Variants in GPC6 observed in about 807,000 individuals in gnomAD.
GPC6 encodes the protein glypican-6.
Under a neutral mutation model 55.2 loss-of-function variants are expected in GPC6, and 14 were observed. The ratio of observed to expected loss-of-function variants is 0.25; its 90% confidence interval spans 0.17 to 0.40. The LOEUF is 0.40. Ranked by LOEUF, GPC6 falls within the 10% of genes least tolerant of loss-of-function variation. The pLI, the probability that GPC6 is intolerant of heterozygous loss-of-function variation, is 1.00. For missense variants in GPC6, 641 were observed against 708.5 expected (o/e 0.90, Z 1.08); for synonymous variants, 278 against 259.6 (o/e 1.07, Z -0.68).
chr13:93,892,314 G>A (rs1400521053), intron 3 of GPC6, among the ~76,000 whole-genome samples: 3 of 152,074 alleles, frequency 2.0e-5, no homozygotes, highest in Non-Finnish European at 4.4e-5. Flanking sequence ...CCTACCTAAC[G>A]GGTAGCAAAG....
At chr13:94,098,750 A>C (rs1017177574) in intron 4 of GPC6, among the ~76,000 whole-genome samples, 1 of 152,148 alleles carries the variant, frequency 6.6e-6, no homozygotes. Flanking sequence ...GCAGGTATTT[A>C]ATTTTGCTGA....
chr13:94,062,316 A>G (rs550294707), intron 4 of GPC6, among the ~76,000 whole-genome samples: 1 of 152,070 alleles, frequency 6.6e-6, no homozygotes, highest in East Asian at 1.9e-4. Flanking sequence ...CAGTGGCACG[A>G]TCTTGGCTCA....
chr13:93,833,107 TAGAGAGAGAGAGAGAG>T (rs367949345), intron 3 of GPC6, among the ~76,000 whole-genome samples: 1,506 of 109,060 alleles, frequency 0.014, 44 homozygotes, highest in African/African-American at 0.042. Context: ...AGGTAGATGA[TAGAGAGAGAGAGAGAG>T]AGAGAGAGAG....
At chr13:93,301,341 G>A (rs1396902393) in intron 1 of GPC6, among the ~76,000 whole-genome samples, 1 of 152,178 alleles carries the variant, frequency 6.6e-6, no homozygotes, top group East Asian at 1.9e-4. Context: ...AAGAGAACTT[G>A]AGAAGTTTTC....
At chr13:94,288,115 C>G (rs1014698769) in intron 5 of GPC6, among the ~76,000 whole-genome samples, 1 of 152,052 alleles carries the variant, frequency 6.6e-6, no homozygotes, top group Non-Finnish European at 1.5e-5. Flanking sequence ...CCTCAGTAAG[C>G]TTACTTTCTA....
At chr13:93,370,098 G>A (rs1881396531) in intron 1 of GPC6, among the ~76,000 whole-genome samples, 1 of 152,054 alleles carries the variant, frequency 6.6e-6, no homozygotes, top group South Asian at 2.1e-4. Context: ...TTAAATTGTG[G>A]AGGAGACCGA....
intron 3 of GPC6, among the ~76,000 whole-genome samples, chr13:93,846,838 G>C (rs1312635956): frequency 6.6e-6 from 1 of 152,124 alleles, no homozygotes; most frequent in Non-Finnish European, 1.5e-5. Context: ...GGTTGGACTA[G>C]CCACATTTCA....
At chr13:94,006,385 C>T (rs1259254519) in intron 3 of GPC6, among the ~76,000 whole-genome samples, 1 of 152,118 alleles carries the variant, frequency 6.6e-6, no homozygotes, top group Non-Finnish European at 1.5e-5. Flanking sequence ...GATCCCCACG[C>T]TGCTACTCCT....
intron 1 of GPC6, among the ~76,000 whole-genome samples, chr13:93,497,318 T>C (rs1014556057): frequency 6.6e-6 from 1 of 152,216 alleles, no homozygotes; most frequent in Non-Finnish European, 1.5e-5. Context: ...CACCCCGCTT[T>C]ATGAACAGCA....
chr13:93,902,237 C>T (rs1406321877), intron 3 of GPC6, among the ~76,000 whole-genome samples: 1 of 152,102 alleles, frequency 6.6e-6, no homozygotes, highest in East Asian at 1.9e-4. Flanking sequence ...CCCTCCTCAG[C>T]CTCTGTTCTA....
chr13:93,937,913 A>G (rs573178919), intron 3 of GPC6, among the ~76,000 whole-genome samples: 1 of 152,342 alleles, frequency 6.6e-6, no homozygotes, highest in African/African-American at 2.4e-5. Flanking sequence ...AAGAAAGAGT[A>G]ATTGATAGAA....
intron 4 of GPC6, among the ~76,000 whole-genome samples, chr13:94,061,538 G>C (rs987764361): frequency 6.6e-6 from 1 of 152,046 alleles, no homozygotes; most frequent in Non-Finnish European, 1.5e-5. Flanking sequence ...CACATGGTTA[G>C]CAGAGGATGA....
At chr13:94,227,008 A>C (rs957525558) in intron 4 of GPC6, among the ~76,000 whole-genome samples, 3 of 152,142 alleles carry the variant, frequency 2.0e-5, no homozygotes, top group African/African-American at 7.2e-5. Flanking sequence ...TACCTCTCAG[A>C]ATCAAACTTC....
chr13:93,841,327 T>A (rs768406964), intron 3 of GPC6, among the ~76,000 whole-genome samples: 1 of 152,106 alleles, frequency 6.6e-6, no homozygotes, highest in Admixed American at 6.6e-5. Flanking sequence ...AGATATTAGG[T>A]CACACAGATA....
chr13:93,313,343 A>G (rs1048362303), intron 1 of GPC6, among the ~76,000 whole-genome samples: 1 of 152,262 alleles, frequency 6.6e-6, no homozygotes, highest in African/African-American at 2.4e-5. Context: ...AATGGCAAAC[A>G]ACTAAGCAAC....
At chr13:93,368,430 C>T (rs1274288733) in intron 1 of GPC6, among the ~76,000 whole-genome samples, 1 of 141,516 alleles carries the variant, frequency 7.1e-6, no homozygotes, top group Non-Finnish European at 1.5e-5. Flanking sequence ...CCTTCCAGCA[C>T]CTTTATTAGG....
At chr13:93,335,019 AT>A (rs938309654) in intron 1 of GPC6, among the ~76,000 whole-genome samples, 2 of 152,168 alleles carry the variant, frequency 1.3e-5, no homozygotes, top group Non-Finnish European at 2.9e-5. Flanking sequence ...AGTCCCACAG[AT>A]TTCTCCCTTT....
At chr13:93,284,068 T>A (rs1343536393) in intron 1 of GPC6, among the ~76,000 whole-genome samples, 1 of 152,208 alleles carries the variant, frequency 6.6e-6, no homozygotes, top group Non-Finnish European at 1.5e-5. Context: ...TGTGCTAGCT[T>A]TGTTTATACA....
At chr13:93,243,536 T>C (rs1370685807) in intron 1 of GPC6, among the ~76,000 whole-genome samples, 1 of 152,176 alleles carries the variant, frequency 6.6e-6, no homozygotes, top group Non-Finnish European at 1.5e-5. Context: ...GGCTGACCTG[T>C]CCTCTCCGGT....
Sources: allele counts gnomAD v4.1 joint callset (sites outside exome capture counted in the v4.1 genomes callset), GRCh38; gene constraint gnomAD v4.1.1; transcripts MANE v1.5; gene names NCBI Gene and HGNC (gene_info 2026-07-23, HGNC 2026-07-21).